ASB3: variants seen among roughly 807,000 people sequenced by gnomAD.
ASB3 encodes the protein ankyrin repeat and SOCS box protein 3.
In ASB3, 41 loss-of-function variants were observed where a neutral mutation model predicts 54.5. The observed-to-expected ratio is 0.75, with a 90% CI of 0.59 to 0.98. The LOEUF is 0.98. ASB3 is among the 50% of genes least tolerant of loss of function. The pLI is 0.00. For synonymous variants in ASB3, 266 were observed against 221.2 expected (o/e 1.20, Z -1.80); for missense variants, 733 against 620.0 (o/e 1.18, Z -1.94).
chr2:53,767,888 TGTGG>T, intron 1 of ASB3: 1 of 1,609,946 alleles, frequency 6.2e-7, no homozygotes, highest in Admixed American at 1.7e-5. Flanking sequence ...CGCGAGAAGA[TGTGG>T]GTTTTTGGTT....
intron 2 of ASB3, among the ~76,000 whole-genome samples, chr2:53,754,393 T>A (rs893752139): frequency 1.3e-5 from 2 of 152,120 alleles, no homozygotes; most frequent in African/African-American, 2.4e-5. Context: ...TACACACTCA[T>A]CTTGGGAAAA....
intron 1 of ASB3, chr2:53,767,572 GTGGGT>G: frequency 3.7e-6 from 1 of 267,934 alleles, no homozygotes; most frequent in Non-Finnish European, 7.2e-6. Context: ...AAAAAGCATT[GTGGGT>G]ATTGTAGTTT....
chr2:53,677,619 G>A (rs1199585738), intron 9 of ASB3, among the ~76,000 whole-genome samples: 5 of 152,162 alleles, frequency 3.3e-5, no homozygotes, highest in Admixed American at 6.5e-5. Context: ...GTGGCAGGAG[G>A]AACATGAGTT....
At chr2:53,752,909 G>T (rs923944831) in intron 2 of ASB3, among the ~76,000 whole-genome samples, 3 of 152,012 alleles carry the variant, frequency 2.0e-5, no homozygotes, top group Admixed American at 2.0e-4. Context: ...CATTACAGAA[G>T]CCAAGGAACT....
rs181644129 is a variant in ASB3, at chr2:53,701,408, T to C, written c.981-880A>G. Among the ~76,000 whole-genome samples the C allele has an allele frequency of 3.7e-4, 57 of 152,330 alleles. 1 individual carries two copies. Among genetic ancestry groups the C allele is most frequent in the African/African-American group, 1.1e-3 (47 of 41,588 alleles). ...TGAAGCTGAGTCACAGAGCTAGTAATTGGCAGAACTGGGATAATGATATCA... is the reference window on the plus strand; with the variant it reads ...TGAAGCTGAGTCACAGAGCTAGTAACTGGCAGAACTGGGATAATGATATCA... On this transcript the variant is annotated intron_variant, in intron 7 of 9. Transcript: ENST00000263634.
chr2:53,685,473 T>TA (rs1399820578), intron 9 of ASB3, among the ~76,000 whole-genome samples: 3 of 152,024 alleles, frequency 2.0e-5, no homozygotes, highest in African/African-American at 4.8e-5. Context: ...CCAGAGAAAA[T>TA]AAAAAATGTC....
rs773792889 is a variant in ASB3 at position 53,774,196 on chromosome 2, A to G, written c.-13-8611T>C. The G allele has an allele frequency of 1.9e-5, 30 of 1,613,386 alleles. No individual in the cohort carries two copies. The South Asian group carries it at 3.3e-4, about 18-fold the overall frequency. ...GCCAGTAGGAAAGGAAGAAGAAGTAAAAGCATACCTTGACTTCAGAGAAAA... is the reference window on the plus strand; with the variant it reads ...GCCAGTAGGAAAGGAAGAAGAAGTAGAAGCATACCTTGACTTCAGAGAAAA... On this transcript the variant is annotated intron_variant, in intron 1 of 9. Coordinates refer to ENST00000263634, the MANE Select transcript of ASB3 (RefSeq NM_016115.5).
chr2:53,768,937 G>T (rs988821060), intron 1 of ASB3, among the ~76,000 whole-genome samples: 1 of 152,198 alleles, frequency 6.6e-6, no homozygotes, highest in Non-Finnish European at 1.5e-5. Context: ...AAAGTAGTTT[G>T]CACCTGCTCA....
At chr2:53,768,229 T>G (rs1440466894) in intron 1 of ASB3, 4 of 567,120 alleles carry the variant, frequency 7.1e-6, no homozygotes, top group Non-Finnish European at 1.2e-5. Context: ...CTGCTTAAGA[T>G]GCCGGTGGTT....
At chr2:53,768,025 A>G (rs766070239) in intron 1 of ASB3, 1 of 1,612,984 alleles carries the variant, frequency 6.2e-7, no homozygotes, top group East Asian at 2.2e-5. Flanking sequence ...CGGCAAGGTG[A>G]GGCGCCGGTC....
chr2:53,751,831 T>G (rs1354662658), intron 2 of ASB3, among the ~76,000 whole-genome samples: 1 of 152,174 alleles, frequency 6.6e-6, no homozygotes, highest in African/African-American at 2.4e-5. Flanking sequence ...AGTACATATA[T>G]TCAAAGAAAA....
chr2:53,721,979 G>C (rs1222731300), intron 5 of ASB3, among the ~76,000 whole-genome samples: 1 of 151,896 alleles, frequency 6.6e-6, no homozygotes, highest in Admixed American at 6.6e-5. Context: ...GTCCAAATAA[G>C]CACAATCTGA....
chr2:53,730,671 A>T (rs1671256430), intron 3 of ASB3, among the ~76,000 whole-genome samples: 1 of 152,198 alleles, frequency 6.6e-6, no homozygotes, highest in Admixed American at 6.5e-5. Context: ...AACTGTGTAT[A>T]CATGTTCCTT....
chr2:53,673,807 G>C (rs916079021), intron 9 of ASB3, among the ~76,000 whole-genome samples: 1 of 152,164 alleles, frequency 6.6e-6, no homozygotes, highest in Non-Finnish European at 1.5e-5. Context: ...TCAGGTATTG[G>C]TTCAAATTTT....
chr2:53,720,969 A>C (rs1318219253), intron 5 of ASB3, among the ~76,000 whole-genome samples: 2 of 151,772 alleles, frequency 1.3e-5, no homozygotes, highest in Admixed American at 1.3e-4. Context: ...ATACAAAAAA[A>C]TTAGCTGGCC....
chr2:53,694,646 A>G (rs17045114), intron 8 of ASB3: 19,916 of 152,128 alleles, frequency 0.13, 1,299 homozygotes, highest in East Asian at 0.18. Context: ...CACTCAAAAG[A>G]GGCTAACCCA....
intron 1 of ASB3, among the ~76,000 whole-genome samples, chr2:53,783,181 AAGT>A (rs1674751160): frequency 6.6e-6 from 1 of 152,172 alleles, no homozygotes; most frequent in African/African-American, 2.4e-5. Flanking sequence ...AAATATTTAA[AAGT>A]TATAAGTGTT....
At chr2:53,754,924 C>A (rs1369872062) in intron 2 of ASB3, among the ~76,000 whole-genome samples, 1 of 152,170 alleles carries the variant, frequency 6.6e-6, no homozygotes, top group African/African-American at 2.4e-5. Context: ...TGAGTTTTAG[C>A]AAAGGGATCT....
At chr2:53,721,015 A>T (rs542758952) in intron 5 of ASB3, among the ~76,000 whole-genome samples, 1 of 151,726 alleles carries the variant, frequency 6.6e-6, no homozygotes, top group African/African-American at 2.4e-5. Flanking sequence ...GGTACTCAGG[A>T]GGCTGAGGCA....
Sources: allele counts gnomAD v4.1 joint callset (sites outside exome capture counted in the v4.1 genomes callset), GRCh38; gene constraint gnomAD v4.1.1; transcripts MANE v1.5; gene names NCBI Gene and HGNC (gene_info 2026-07-23, HGNC 2026-07-21).